The following ZFP90 variants were observed in gnomAD, a reference collection of about 807,000 sequenced individuals.
The protein encoded by ZFP90 is zinc finger protein 90 homolog.
Under a neutral mutation model 60.8 loss-of-function variants are expected in ZFP90, and 38 were observed. The ratio of observed to expected loss-of-function variants is 0.62; its 90% CI spans 0.48 to 0.82. The LOEUF is 0.82. Ranked by LOEUF, ZFP90 falls within the 40% of genes least tolerant of loss-of-function variation. The probability of loss-of-function intolerance (pLI) is 0.00; values close to 1 mark genes in which losing one functional copy is unlikely to be tolerated. For missense variants in ZFP90, 711 were observed against 759.1 expected, an observed-to-expected ratio of 0.94 and a Z score of 0.74; for synonymous variants, 287 against 264.8, an observed-to-expected ratio of 1.08 and a Z score of -0.82.
chr16:68,542,355 C>T (rs954502349), intron 2 of ZFP90, among the ~76,000 whole-genome samples: 4 of 152,066 alleles, frequency 2.6e-5, no homozygotes, highest in South Asian at 2.1e-4. Flanking sequence ...CTTTGGGAGG[C>T]GGAGGCAAGC....
At chr16:68,570,623 C>T (rs1050723841), downstream of ZFP90, among the ~76,000 whole-genome samples, 15 of 152,214 alleles carry the variant, frequency 9.9e-5, no homozygotes, top group South Asian at 8.3e-4. Flanking sequence ...TAATGAGCAA[C>T]GAAGGAAGCT....
chr16:68,571,737 A>G (rs1207370726), downstream of ZFP90, among the ~76,000 whole-genome samples: 1 of 152,162 alleles, frequency 6.6e-6, no homozygotes, highest in Non-Finnish European at 1.5e-5. Flanking sequence ...AGACCAGCCT[A>G]AGCAACATAG....
chr16:68,573,607 G>T (rs371178988), intron 2 of ZFP90, among the ~76,000 whole-genome samples: 16 of 152,200 alleles, frequency 1.1e-4, no homozygotes, highest in African/African-American at 3.9e-4. Flanking sequence ...GAGTGGGAAG[G>T]CATTTTAAGG....
At chr16:68,549,435 T>A (rs1220950484) in intron 2 of ZFP90, among the ~76,000 whole-genome samples, 1 of 151,838 alleles carries the variant, frequency 6.6e-6, no homozygotes, top group Non-Finnish European at 1.5e-5. Context: ...CCCAGCACTA[T>A]GGGAGGCTGA....
chr16:68,576,141 G>C (rs1234143064), downstream of ZFP90: 1 of 213,838 alleles, frequency 4.7e-6, no homozygotes, highest in African/African-American at 2.3e-5. Flanking sequence ...CAGTATCCCT[G>C]AAAACCAACA....
At chr16:68,571,418 G>A (rs1381001115), downstream of ZFP90, among the ~76,000 whole-genome samples, 1 of 152,148 alleles carries the variant, frequency 6.6e-6, no homozygotes, top group African/African-American at 2.4e-5. Context: ...TGGTGCATAG[G>A]TATTCGTTGT....
In ZFP90 at chr16:68,554,585, T is replaced by A. The variant is rs1103955; in HGVS notation, c.34-3413T>A. On this transcript the variant is annotated intron_variant, in intron 2 of 4. Coordinates refer to ENST00000563169, the MANE Select transcript of ZFP90 (RefSeq NM_001305203.2). ...GTCAAGGCAAGAAGTTATGAGTGGC[T>A]TGGAGCAGACGTTTGCTTGCTGGTT... Among the ~76,000 whole-genome samples the A allele has an allele frequency of 2.6e-5, 4 of 152,170 alleles. No individual in the cohort carries two copies. In the South Asian group the frequency reaches 6.2e-4, roughly 24 times the overall value.
At chr16:68,551,944 TAGAG>T (rs1295238243) in intron 2 of ZFP90, among the ~76,000 whole-genome samples, 7 of 151,326 alleles carry the variant, frequency 4.6e-5, no homozygotes, top group East Asian at 1.9e-4. Context: ...AAATTTTTAT[TAGAG>T]AGGGAGTTTC....
chr16:68,549,703 TG>T, intron 2 of ZFP90, among the ~76,000 whole-genome samples: 1 of 121,582 alleles, frequency 8.2e-6, no homozygotes, highest in East Asian at 2.1e-4. Context: ...AAAAAAGTCT[TG>T]AGGGAGAAAA....
downstream of ZFP90, among the ~76,000 whole-genome samples, chr16:68,569,592 A>G (rs2091556506): frequency 6.6e-6 from 1 of 152,044 alleles, no homozygotes; most frequent in Non-Finnish European, 1.5e-5. Context: ...TTCCTAGTTA[A>G]CTGAGAACAA....
chr16:68,551,906 T>C (rs1254064538), intron 2 of ZFP90, among the ~76,000 whole-genome samples: 5 of 151,966 alleles, frequency 3.3e-5, no homozygotes, highest in African/African-American at 4.8e-5. Context: ...CTACAGGCGC[T>C]CGCCACCGTG....
In ZFP90 at chr16:68,558,401, T is replaced by A. The variant is rs781092923; in HGVS notation, c.161-72T>A. 7 of 1,394,532 alleles carry A rather than the reference T, an allele frequency of 5.0e-6. No homozygotes were observed. The Admixed American group carries it at 5.2e-5, about 10-fold the overall frequency. The allele number at this position is 1,394,532 out of a possible 1,614,324, so 86.4% of individuals were successfully genotyped here. ...GTTCCTGAGGATCAAGGACTAGTACTGACTTGTCCTTAGGAGGGTTCTTTG... is the reference window on the plus strand; with the variant it reads ...GTTCCTGAGGATCAAGGACTAGTACAGACTTGTCCTTAGGAGGGTTCTTTG... On this transcript the variant is annotated intron_variant, in intron 3 of 4. Coordinates refer to ENST00000563169, the MANE Select transcript of ZFP90 (RefSeq NM_001305203.2).
At position 68,551,415 on chromosome 16, in the gene ZFP90, C is replaced by CTTTTTTTTTTTTTTTTTTT. The variant is rs10538200; in HGVS notation, c.34-6578_34-6560dup. Among the ~76,000 whole-genome samples the CTTTTTTTTTTTTTTTTTTT allele has an allele frequency of 1.6e-5, 2 of 123,024 alleles. 1 individual carries two copies. The highest frequency in any genetic ancestry group is 3.3e-5 in the Non-Finnish European group (2 of 60,222). The allele number at this position is 123,024 out of a possible 152,430, so 80.7% of individuals were successfully genotyped here. On this transcript the variant is annotated intron_variant, in intron 2 of 4. Transcript: ENST00000563169. ...GCATAAGGAAAGGGAACATGTGATC[C>CTTTTTTTTTTTTTTTTTTT]TTTTTTTTTTTTTTTTTTTTTTTGG...
chr16:68,565,989 C>T lies in ZFP90; in HGVS notation c.*1291C>T. 1 of 744,348 alleles carries T rather than the reference C, an allele frequency of 1.3e-6. No individual in the cohort carries two copies. The highest frequency in any genetic ancestry group is 1.6e-6 in the Non-Finnish European group (1 of 610,272). 46.1% of individuals were successfully genotyped at this position (744,348 alleles called of 1,614,324 possible). Reference sequence around the variant, plus strand: ...AAAAAAAAAAAAATCCAAAAATTAGCTGGGCATGGTGGCATGCAGTGGTAG... The same window carrying T: ...AAAAAAAAAAAAATCCAAAAATTAGTTGGGCATGGTGGCATGCAGTGGTAG... On this transcript the variant is annotated 3_prime_UTR_variant, in exon 5 of 5. Transcript: ENST00000563169.
chr16:68,559,600 C>T (rs1005997208), intron 4 of ZFP90, among the ~76,000 whole-genome samples: 4 of 152,162 alleles, frequency 2.6e-5, no homozygotes, highest in Admixed American at 6.5e-5. Context: ...CAGGATCTCA[C>T]TCTGTCACCC....
chr16:68,575,301 C>T (rs989525726), intron 2 of ZFP90, among the ~76,000 whole-genome samples: 11 of 152,250 alleles, frequency 7.2e-5, no homozygotes, highest in Middle Eastern at 3.4e-3. Flanking sequence ...AGTTCATACC[C>T]GCATTTGACA....
At chr16:68,549,167 TGTG>T (rs1304175604) in intron 2 of ZFP90, among the ~76,000 whole-genome samples, 7 of 152,218 alleles carry the variant, frequency 4.6e-5, no homozygotes, top group East Asian at 3.9e-4. Flanking sequence ...AGTGAGGAAA[TGTG>T]GTGAGAGTGC....
rs10538200 is a variant in ZFP90 at position 68,551,415 on chromosome 16, C to CT, written c.34-6560dup. On this transcript the variant is annotated intron_variant, in intron 2 of 4. Coordinates refer to ENST00000563169, the MANE Select transcript of ZFP90 (RefSeq NM_001305203.2). ...GCATAAGGAAAGGGAACATGTGATC[C>CT]TTTTTTTTTTTTTTTTTTTTTTTGG... 7.4e-3 allele frequency among the ~76,000 whole-genome samples: 914 copies of CT among 122,736 alleles called. 3 individuals are homozygous for CT. Among genetic ancestry groups the CT allele is most frequent in the Middle Eastern group, 9.2e-3 (2 of 218 alleles). The allele number at this position is 122,736 out of a possible 152,430, so 80.5% of individuals were successfully genotyped here. A position where few individuals can be genotyped will look rare whatever the true frequency, so the allele number is the denominator to read the frequency against.
At chr16:68,561,038 G>T (rs2091432836) in intron 4 of ZFP90, among the ~76,000 whole-genome samples, 1 of 152,060 alleles carries the variant, frequency 6.6e-6, no homozygotes, top group South Asian at 2.1e-4. Context: ...GGGACTACAG[G>T]CACACGCCAC....
Sources: allele counts gnomAD v4.1 joint callset (sites outside exome capture counted in the v4.1 genomes callset), GRCh38; gene constraint gnomAD v4.1.1; transcripts MANE v1.5; gene names NCBI Gene and HGNC (gene_info 2026-07-23, HGNC 2026-07-21).